KCNMA1: variants seen among roughly 807,000 people sequenced by gnomAD.
KCNMA1 encodes potassium calcium-activated channel subfamily M alpha 1, also known as Calcium-activated potassium channel subunit alpha-1.
KCNMA1 carries 29 observed loss-of-function variants against 140.0 expected under a neutral mutation model. The ratio of observed to expected loss-of-function variants is 0.21; its 90% confidence interval spans 0.15 to 0.28. The LOEUF (loss-of-function observed/expected upper bound fraction) is 0.28. Ranked by LOEUF, KCNMA1 falls within the 10% of genes least tolerant of loss-of-function variation. KCNMA1 has a pLI of 1.00. For missense variants in KCNMA1, 880 were observed against 1,602.2 expected (o/e 0.55, Z 7.70); for synonymous variants, 612 against 611.9 (o/e 1.00, Z 0.00).
At chr10:77,253,189 CAA>C (rs1491151428) in intron 2 of KCNMA1, among the ~76,000 whole-genome samples, 1 of 152,100 alleles carries the variant, frequency 6.6e-6, no homozygotes, top group East Asian at 1.9e-4. Flanking sequence ...CAAAAAGCTG[CAA>C]AGAGAAGGGG....
At chr10:77,606,453 T>G (rs574214455) in intron 1 of KCNMA1, among the ~76,000 whole-genome samples, 1 of 152,066 alleles carries the variant, frequency 6.6e-6, no homozygotes, top group East Asian at 1.9e-4. Flanking sequence ...TACAAAATAA[T>G]TAAAAAATTA....
At chr10:77,326,184 T>C (rs1471382066) in intron 2 of KCNMA1, among the ~76,000 whole-genome samples, 1 of 152,188 alleles carries the variant, frequency 6.6e-6, no homozygotes, top group East Asian at 1.9e-4. Flanking sequence ...GCAAAAATCC[T>C]TCAGATTGCT....
rs750804948 is a variant in KCNMA1 at position 77,637,612 on chromosome 10, TGCCGCCGCC to T, written c.22_30del (p.Gly8_Gly10del). ...CCGCCGCCGCCGCCGCCGCCGCTGCTGCCGCCGCCGCCGCCGCCACCATTTGCCATAGCT... is the reference window on the plus strand; with the variant it reads ...CCGCCGCCGCCGCCGCCGCCGCTGCTGCCGCCGCCACCATTTGCCATAGCT... On this transcript the variant is annotated inframe_deletion, in exon 1 of 28. Transcript: ENST00000286628. 2.6e-5 allele frequency: 40 copies of T among 1,520,998 alleles called. 1 individual carries two copies. The highest frequency in any genetic ancestry group is 4.0e-5 in the Admixed American group (2 of 49,596). 94.2% of individuals were successfully genotyped at this position (1,520,998 alleles called of 1,614,324 possible).
intron 1 of KCNMA1, among the ~76,000 whole-genome samples, chr10:77,566,866 A>G (rs1383565427): frequency 6.6e-6 from 1 of 152,130 alleles, no homozygotes; most frequent in African/African-American, 2.4e-5. Context: ...AGGGAAAGAG[A>G]GAAACGGAGA....
intron 15 of KCNMA1, 77 bp from the exon 16 acceptor site, chr10:77,027,968 T>C (rs2093616492): frequency 7.9e-7 from 1 of 1,273,684 alleles, no homozygotes; most frequent in South Asian, 1.2e-5. Flanking sequence ...ATTACGATCT[T>C]TCGGTCTCCT....
chr10:77,214,287 T>C (rs1043036465), intron 3 of KCNMA1, among the ~76,000 whole-genome samples: 1 of 152,202 alleles, frequency 6.6e-6, no homozygotes, highest in Non-Finnish European at 1.5e-5. Flanking sequence ...TGTTCTTTTC[T>C]GCACCATCAG....
chr10:77,464,310 G>A lies in KCNMA1; in HGVS notation c.379-60287C>T, dbSNP rs114230539. Among the ~76,000 whole-genome samples, 799 of 152,210 alleles carry A rather than the reference G, an allele frequency of 5.2e-3. 11 individuals carry two copies. The highest frequency in any genetic ancestry group is 0.018 in the African/African-American group (738 of 41,532). ...CATGGGAGGGCCTTTACAGAAAAAC[G>A]TTTCCATTTTCTACCAGGCTGCCCC... On this transcript the variant is annotated intron_variant, in intron 1 of 27. Coordinates refer to ENST00000286628, the MANE Select transcript of KCNMA1 (RefSeq NM_001161352.2).
At chr10:76,870,696 C>A in exon 28 of KCNMA1, 1 of 152,534 alleles carries the variant, frequency 6.6e-6, no homozygotes, top group Non-Finnish European at 1.5e-5. Context: ...CCTGAGACCC[C>A]TCCCTGGTGA....
At chr10:77,219,604 G>A (rs1197282313) in intron 3 of KCNMA1, among the ~76,000 whole-genome samples, 1 of 152,108 alleles carries the variant, frequency 6.6e-6, no homozygotes, top group Admixed American at 6.5e-5. Flanking sequence ...AATGTCCTTT[G>A]TTGTTGTTGT....
chr10:76,977,539 T>C (rs1226606912), intron 19 of KCNMA1: 6 of 702,826 alleles, frequency 8.5e-6, no homozygotes, highest in African/African-American at 7.0e-5. Context: ...ATTAACTCGC[T>C]GACCTTTGAC....
At chr10:76,889,763 G>T in intron 26 of KCNMA1, 194 bp from the exon 27 acceptor site, 1 of 632,214 alleles carries the variant, frequency 1.6e-6, no homozygotes, top group Non-Finnish European at 2.9e-6. Context: ...GATTTTTAGG[G>T]ATCAGGTAAC....
chr10:77,261,453 G>C (rs1182152876), intron 2 of KCNMA1, among the ~76,000 whole-genome samples: 4 of 152,212 alleles, frequency 2.6e-5, no homozygotes, highest in South Asian at 2.1e-4. Flanking sequence ...ACTTCTGCAG[G>C]TTCGTGTTCC....
intron 19 of KCNMA1, chr10:76,972,923 T>C (rs1020273256): frequency 6.6e-6 from 1 of 152,202 alleles, no homozygotes. Flanking sequence ...AATTTCTGCA[T>C]AAAGAAAGCA....
chr10:77,500,071 G>A (rs1369280850), intron 1 of KCNMA1, among the ~76,000 whole-genome samples: 2 of 151,576 alleles, frequency 1.3e-5, no homozygotes, highest in Non-Finnish European at 2.9e-5. Flanking sequence ...TACTTGAGAG[G>A]CAGCATGGGT....
At chr10:77,450,266 G>A (rs992041169) in intron 1 of KCNMA1, among the ~76,000 whole-genome samples, 2 of 151,152 alleles carry the variant, frequency 1.3e-5, no homozygotes, top group African/African-American at 4.9e-5. Flanking sequence ...ATGTTGGCCA[G>A]GTTGGTCTCG....
chr10:77,173,632 C>A (rs1337126307), intron 5 of KCNMA1, among the ~76,000 whole-genome samples: 2 of 152,110 alleles, frequency 1.3e-5, no homozygotes, highest in African/African-American at 4.8e-5. Flanking sequence ...CTCCTAAGGA[C>A]ACCTGGCCCA....
chr10:77,538,326 T>C (rs1223431015), intron 1 of KCNMA1, among the ~76,000 whole-genome samples: 1 of 152,024 alleles, frequency 6.6e-6, no homozygotes, highest in Non-Finnish European at 1.5e-5. Flanking sequence ...CCATACACAC[T>C]CACACTCAAA....
chr10:77,416,825 A>G (rs2096752478), intron 1 of KCNMA1, among the ~76,000 whole-genome samples: 1 of 152,192 alleles, frequency 6.6e-6, no homozygotes, highest in Non-Finnish European at 1.5e-5. Context: ...GAAATAATAA[A>G]TGAAGAAATT....
At chr10:77,431,340 A>G (rs2097147618) in intron 1 of KCNMA1, among the ~76,000 whole-genome samples, 3 of 152,310 alleles carry the variant, frequency 2.0e-5, no homozygotes, top group Admixed American at 6.5e-5. Context: ...ACATTCTACA[A>G]TTTTGCATGG....
Sources: allele counts gnomAD v4.1 joint callset (sites outside exome capture counted in the v4.1 genomes callset), GRCh38; gene constraint gnomAD v4.1.1; transcripts MANE v1.5; gene names NCBI Gene and HGNC (gene_info 2026-07-23, HGNC 2026-07-21).